Variants in CFAP97D2 observed in about 807,000 individuals in gnomAD.
CFAP97D2 encodes the protein uncharacterized protein CFAP97D2.
intron 1 of CFAP97D2, among the ~76,000 whole-genome samples, chr13:114,188,715 T>C (rs1331370057): frequency 2.7e-5 from 4 of 147,034 alleles, no homozygotes; most frequent in Non-Finnish European, 6.0e-5. Flanking sequence ...AGGAGGAGCT[T>C]GCAGTGAGCC....
intron 4 of CFAP97D2, among the ~76,000 whole-genome samples, chr13:114,215,498 T>C (rs1194161960): frequency 6.6e-6 from 1 of 152,200 alleles, no homozygotes; most frequent in Non-Finnish European, 1.5e-5. Flanking sequence ...ATGCAAGTAT[T>C]CTCCTGTATT....
chr13:114,200,282 C>T (rs1031257557), intron 2 of CFAP97D2, 43 bp from the exon 3 acceptor site: 14 of 398,464 alleles, frequency 3.5e-5, no homozygotes, highest in African/African-American at 2.7e-4. Context: ...GGAAGAGCCT[C>T]GCAATCTGCC....
chr13:114,215,221 A>G (rs1488017623), intron 4 of CFAP97D2, among the ~76,000 whole-genome samples: 1 of 152,200 alleles, frequency 6.6e-6, no homozygotes, highest in Non-Finnish European at 1.5e-5. Flanking sequence ...TAAACTTTGG[A>G]CCATCTGATT....
intron 2 of CFAP97D2, among the ~76,000 whole-genome samples, chr13:114,199,084 G>T (rs866532884): frequency 1.6e-5 from 1 of 61,912 alleles, no homozygotes; most frequent in Non-Finnish European, 2.8e-5. Context: ...GTCCCCGTGT[G>T]TACGGTCCCC....
chr13:114,208,122 T>C (rs1208842741), intron 3 of CFAP97D2, among the ~76,000 whole-genome samples: 1 of 152,174 alleles, frequency 6.6e-6, no homozygotes, highest in African/African-American at 2.4e-5. Flanking sequence ...CTTGGACAAA[T>C]TGTCAGGTTC....
intron 1 of CFAP97D2, among the ~76,000 whole-genome samples, chr13:114,182,078 C>T (rs2080835039): frequency 6.6e-6 from 1 of 151,906 alleles, no homozygotes; most frequent in South Asian, 2.1e-4. Flanking sequence ...TCTCTGAGTT[C>T]CCTCAGTTTT....
In CFAP97D2 at chr13:114,187,479, C is replaced by G. The variant is rs1165877072; in HGVS notation, c.90+8059C>G. Reference sequence around the variant, plus strand: ...ACAAGTCAAAAGAAAGCTGGAGTAACTATATTAATTTTAGAGCAGACTTCA... The same window carrying G: ...ACAAGTCAAAAGAAAGCTGGAGTAAGTATATTAATTTTAGAGCAGACTTCA... On this transcript the variant is annotated intron_variant, in intron 1 of 4. Transcript: ENST00000646158. This position sits in a 1 kb window ranked among gnomAD's most constrained non-coding sequence, Gnocchi z 4.2. Among the ~76,000 whole-genome samples the G allele has an allele frequency of 6.6e-6, 1 of 151,726 alleles. No individual in the cohort carries two copies. The highest frequency in any genetic ancestry group is 2.4e-5 in the African/African-American group (1 of 41,248).
intron 3 of CFAP97D2, among the ~76,000 whole-genome samples, chr13:114,202,769 C>G (rs2080924138): frequency 6.6e-6 from 1 of 152,170 alleles, no homozygotes; most frequent in Non-Finnish European, 1.5e-5. Flanking sequence ...GGAGTGGATG[C>G]TTAGCCTGCA....
intron 4 of CFAP97D2, among the ~76,000 whole-genome samples, chr13:114,212,494 C>T (rs1162962013): frequency 6.6e-6 from 1 of 151,812 alleles, no homozygotes. Flanking sequence ...GTAGGAGCAT[C>T]GCTTGAGCTG....
At chr13:114,182,504 G>A (rs2080839254) in intron 1 of CFAP97D2, among the ~76,000 whole-genome samples, 2 of 151,658 alleles carry the variant, frequency 1.3e-5, no homozygotes, top group Admixed American at 6.6e-5. Context: ...TGTCGGGCTG[G>A]GGTACAGTCA....
chr13:114,188,486 C>T (rs553575330), intron 1 of CFAP97D2, among the ~76,000 whole-genome samples: 3 of 151,942 alleles, frequency 2.0e-5, no homozygotes, highest in Admixed American at 6.6e-5. Context: ...TTAAGAAACT[C>T]AAAAAAAGAG....
At chr13:114,205,133 C>T (rs150678241) in intron 3 of CFAP97D2, among the ~76,000 whole-genome samples, 25 of 152,296 alleles carry the variant, frequency 1.6e-4, no homozygotes, top group Admixed American at 3.9e-4. Flanking sequence ...TAGCACTTCA[C>T]GCCTATCAGA....
chr13:114,201,829 A>T (rs1374644713), intron 3 of CFAP97D2, among the ~76,000 whole-genome samples: 7 of 152,156 alleles, frequency 4.6e-5, no homozygotes, highest in Non-Finnish European at 1.0e-4. Flanking sequence ...CATGAGAGAA[A>T]CTATAGAGCC....
intron 4 of CFAP97D2, among the ~76,000 whole-genome samples, chr13:114,217,118 G>T (rs1282330937): frequency 6.6e-6 from 1 of 152,102 alleles, no homozygotes; most frequent in Non-Finnish European, 1.5e-5. Flanking sequence ...CATATGCTTT[G>T]CCCACTTTTT....
chr13:114,208,492 T>G (rs1477826206), intron 3 of CFAP97D2, among the ~76,000 whole-genome samples: 7 of 152,174 alleles, frequency 4.6e-5, no homozygotes, highest in African/African-American at 1.7e-4. Flanking sequence ...ATTACCATAT[T>G]AAATAACAGA....
intron 2 of CFAP97D2, among the ~76,000 whole-genome samples, chr13:114,197,014 G>C (rs1345106837): frequency 6.6e-6 from 1 of 152,192 alleles, no homozygotes; most frequent in African/African-American, 2.4e-5. Context: ...GGAGTGTCTA[G>C]GTTAAGACAA....
chr13:114,187,259 C>CA lies in CFAP97D2; in HGVS notation c.90+7844dup, dbSNP rs1418607669. On this transcript the variant is annotated intron_variant, in intron 1 of 4. Coordinates refer to ENST00000646158, the Ensembl canonical transcript of CFAP97D2. This position sits in a 1 kb window ranked among gnomAD's most constrained non-coding sequence, Gnocchi z 4.2. ...TTAAAACCACAAAAGGCAGAAAAGA[C>CA]AAAAATAACAAATATCAAGAGTAAC... Among the ~76,000 whole-genome samples, 1 of 150,696 alleles carries CA rather than the reference C, an allele frequency of 6.6e-6. No homozygotes were observed. Among genetic ancestry groups the CA allele is most frequent in the Non-Finnish European group, 1.5e-5 (1 of 67,672 alleles).
At chr13:114,209,619 G>C (rs190778232) in intron 3 of CFAP97D2, among the ~76,000 whole-genome samples, 1 of 151,910 alleles carries the variant, frequency 6.6e-6, no homozygotes, top group Non-Finnish European at 1.5e-5. Flanking sequence ...CCAGTGTGGC[G>C]CTCATTCTGT....
At chr13:114,199,446 A>T (rs796734725) in intron 2 of CFAP97D2, among the ~76,000 whole-genome samples, 1 of 4,782 alleles carries the variant, frequency 2.1e-4, no homozygotes, top group Non-Finnish European at 3.0e-4. Context: ...TACGGTCCCC[A>T]CTGAGGCGTG....
Sources: allele counts gnomAD v4.1 joint callset (sites outside exome capture counted in the v4.1 genomes callset), GRCh38; gene constraint gnomAD v4.1.1; non-coding constraint Gnocchi (gnomAD v3.1); transcripts MANE v1.5; gene names NCBI Gene and HGNC (gene_info 2026-07-23, HGNC 2026-07-21).